Variants in ITGAE observed in about 807,000 individuals in gnomAD.
ITGAE encodes integrin subunit alpha E.
Under a neutral mutation model 136.5 loss-of-function variants are expected in ITGAE, and 99 were observed. The observed-to-expected ratio is 0.73, with a 90% confidence interval of 0.62 to 0.86. The LOEUF is 0.86. ITGAE is among the 40% of genes least tolerant of loss of function. The pLI, the probability that ITGAE is intolerant of heterozygous loss-of-function variation, is 0.00. For synonymous variants in ITGAE, 613 were observed against 591.8 expected (o/e 1.04, Z -0.52); for missense variants, 1,447 against 1,515.3 (o/e 0.95, Z 0.75).
chr17:3,718,724 G>T (rs2050987860), intron 29 of ITGAE, among the ~76,000 whole-genome samples: 1 of 152,184 alleles, frequency 6.6e-6, no homozygotes, highest in Admixed American at 6.5e-5. Context: ...TTTAAAATGT[G>T]CACATAAGAA....
intron 10 of ITGAE, among the ~76,000 whole-genome samples, chr17:3,756,343 G>A (rs1283182883): frequency 6.8e-6 from 1 of 147,598 alleles, no homozygotes; most frequent in Non-Finnish European, 1.5e-5. Flanking sequence ...AAGTGACCTG[G>A]TGCCTTAGCT....
At position 3,747,980 on chromosome 17, in the gene ITGAE, G is replaced by A. The variant is rs770597234; in HGVS notation, c.2097C>T (p.Gly699=). The change falls in exon 17 of 31, where the codon GGC becomes GGT. Residue 699 remains glycine, a synonymous_variant. Transcript: ENST00000263087. The stretch of plus-strand genomic sequence containing the variant: ...CAAAACATAAACGGACATTCACGAC[G>A]CCGTTGAAGCCGATGGGCAGTGCGC... ...TPSALPIGFN[G]VVNVRLCFEI... is the part of the protein sequence containing the mutation. 103 of 1,613,004 alleles carry A rather than the reference G, an allele frequency of 6.4e-5. No homozygotes were observed. Among genetic ancestry groups the A allele is most frequent in the Non-Finnish European group, 8.6e-5 (101 of 1,179,416 alleles).
intron 2 of ITGAE, among the ~76,000 whole-genome samples, chr17:3,765,457 A>G (rs1477725739): frequency 6.6e-6 from 1 of 151,920 alleles, no homozygotes; most frequent in Non-Finnish European, 1.5e-5. Flanking sequence ...CACTTCCTCA[A>G]CTCCTATCAC....
At position 3,755,859 on chromosome 17, in the gene ITGAE, T is replaced by C. The variant is rs1305752940; in HGVS notation, c.1210A>G (p.Ile404Val). The C allele has an allele frequency of 4.4e-6, 7 of 1,600,264 alleles. No individual in the cohort carries two copies. Among genetic ancestry groups the C allele is most frequent in the Non-Finnish European group, 6.0e-6 (7 of 1,173,792 alleles). ...TCCAGGATCTGAGCACTGAAGCCAA[T>C]CTGTGCCAGCTGGTAGTGAAGGGCG... is the stretch of plus-strand genomic sequence containing the variant. ...GDALHYQLAQ[I>V]GFSAQILDER... is the part of the protein sequence containing the mutation. Residue 404 changes from isoleucine to valine, a missense_variant, in exon 11 of 31, where the codon ATT becomes GTT. By Grantham distance (29) the Ile-to-Val change is conservative. Around this residue, in one of 3 missense-constraint regions of ITGAE, gnomAD observed 1,031 missense variants for 1,011.4 expected, o/e 1.02. Transcript: ENST00000263087.
chr17:3,794,832 C>T (rs1185245114), intron 1 of ITGAE, among the ~76,000 whole-genome samples: 2 of 152,126 alleles, frequency 1.3e-5, no homozygotes, highest in African/African-American at 2.4e-5. Flanking sequence ...GGGTGGGGGG[C>T]CTTCTTCCCC....
chr17:3,796,059 G>A (rs1231967242), intron 1 of ITGAE, among the ~76,000 whole-genome samples: 2 of 146,436 alleles, frequency 1.4e-5, no homozygotes, highest in Non-Finnish European at 3.0e-5. Context: ...ATCTGTGTGT[G>A]TGCATCCGTG....
Position 3,761,062 on chromosome 17 carries a change from C to T in ITGAE, c.549G>A (p.Glu183=), listed in dbSNP as rs779061774. The change falls in exon 6 of 31, where the codon GAG becomes GAA. Residue 183 remains glutamate (E), a synonymous_variant. Transcript: ENST00000263087. ...CCTCCTCCTCCTTGTCTTCCTCCTC[C>T]TCCTTCTCCAGAGCCCGGCGCTGCC... ...TARQRRALEK[E]EEEDKEEEED... is the part of the protein sequence containing the mutation. 21 of 1,609,718 alleles carry T rather than the reference C, an allele frequency of 1.3e-5. No homozygotes were observed. The highest frequency in any genetic ancestry group is 6.7e-5 in the Admixed American group (4 of 59,972).
At chr17:3,716,415 G>A (rs765435923) in intron 30 of ITGAE, among the ~76,000 whole-genome samples, 3 of 152,158 alleles carry the variant, frequency 2.0e-5, no homozygotes, top group Non-Finnish European at 4.4e-5. Flanking sequence ...ACAGGTAACC[G>A]AACATAACAG....
chr17:3,755,137 G>C lies in ITGAE; in HGVS notation c.1364C>G (p.Ala455Gly). 7.3e-7 allele frequency: 1 copy of C among 1,375,110 alleles called. No homozygotes were observed. Among genetic ancestry groups the C allele is most frequent in the Non-Finnish European group, 9.6e-7 (1 of 1,040,206 alleles). 85.2% of individuals were successfully genotyped at this position (1,375,110 alleles called of 1,614,324 possible). Residue 455 changes from alanine (A) to glycine (G), a missense_variant, in exon 12 of 31, where the codon GCT becomes GGT. Ala to Gly is a moderately conservative substitution (Grantham distance 60). Coordinates refer to ENST00000263087, the MANE Select transcript of ITGAE (RefSeq NM_002208.5). ...QTAAAAADAEAAQYSYLGYAV... is the reference protein window; with the variant it reads ...QTAAAAADAEGAQYSYLGYAV... ...CTCACCCAGGTAGCTGTACTGCGCA[G>C]CCTCCGCGTCTGCCGCCGCCGCCGC...
At chr17:3,789,053 C>T (rs1324324787) in intron 1 of ITGAE, among the ~76,000 whole-genome samples, 3 of 151,666 alleles carry the variant, frequency 2.0e-5, no homozygotes, top group Non-Finnish European at 4.4e-5. Flanking sequence ...CAAGACCAAC[C>T]TGGGCAATAC....
chr17:3,762,013 G>A lies in ITGAE; in HGVS notation c.248-31C>T, dbSNP rs755749396. 9 of 1,598,606 alleles carry A rather than the reference G, an allele frequency of 5.6e-6. No individual in the cohort carries two copies. In the Admixed American group the frequency reaches 6.7e-5, roughly 12 times the overall value. On this transcript the variant is annotated intron_variant, in intron 3 of 30. Transcript: ENST00000263087. Reference sequence around the variant, plus strand: ...AAAGTTAAGCCCAGGTGAGGAGGAGGAGGGGACTCTGGGAGGCAGAGACCC... The same window carrying A: ...AAAGTTAAGCCCAGGTGAGGAGGAGAAGGGGACTCTGGGAGGCAGAGACCC...
chr17:3,750,117 G>A (rs989910443), intron 16 of ITGAE, among the ~76,000 whole-genome samples: 2 of 152,218 alleles, frequency 1.3e-5, no homozygotes, highest in Non-Finnish European at 2.9e-5. Flanking sequence ...CATAGCTCTG[G>A]GAGGTAGGTG....
At position 3,750,511 on chromosome 17, in the gene ITGAE, G is replaced by T. The variant is rs2051838941; in HGVS notation, c.1894-29C>A. On this transcript the variant is annotated intron_variant, in intron 15 of 30. Transcript: ENST00000263087. ...TGGAGGCAGAAACACAAGGCGTGGG[G>T]CGAGGGAAGGGAGGGAAACGGGGCG... 4 of 1,613,396 alleles carry T rather than the reference G, an allele frequency of 2.5e-6. No individual in the cohort carries two copies. In the East Asian group the frequency reaches 8.9e-5, roughly 36 times the overall value.
chr17:3,716,546 G>A (rs2050946562), intron 30 of ITGAE, 142 bp downstream of exon 30: 1 of 646,752 alleles, frequency 1.5e-6, no homozygotes, highest in Admixed American at 2.7e-5. Context: ...TCTAAATGGG[G>A]GTGTGCAGTT....
chr17:3,796,020 C>T (rs1196110973), intron 1 of ITGAE, among the ~76,000 whole-genome samples: 3 of 84,938 alleles, frequency 3.5e-5, no homozygotes, highest in East Asian at 6.4e-4. Context: ...CATCCATGTG[C>T]GCGTGTGTGC....
At chr17:3,727,270 A>T (rs1597303894) in intron 26 of ITGAE, among the ~76,000 whole-genome samples, 1 of 152,346 alleles carries the variant, frequency 6.6e-6, no homozygotes. Context: ...GGGGAGAAGA[A>T]GGGAAGCTAG....
At chr17:3,751,376 G>A (rs1413088978) in intron 15 of ITGAE, among the ~76,000 whole-genome samples, 2 of 151,924 alleles carry the variant, frequency 1.3e-5, no homozygotes, top group Non-Finnish European at 2.9e-5. Flanking sequence ...GTATAGGCCA[G>A]GGAAGGAGAC....
intron 29 of ITGAE, chr17:3,718,055 G>A (rs1025468481): frequency 6.6e-6 from 1 of 152,224 alleles, no homozygotes; most frequent in African/African-American, 2.4e-5. Context: ...CCAAGTAGAG[G>A]TTAAGGGAGA....
intron 2 of ITGAE, among the ~76,000 whole-genome samples, chr17:3,767,074 G>T (rs946145705): frequency 6.6e-6 from 1 of 151,340 alleles, no homozygotes; most frequent in African/African-American, 2.4e-5. Flanking sequence ...CAACCCTGTT[G>T]GTTCTCTCTC....
Sources: allele counts gnomAD v4.1 joint callset (sites outside exome capture counted in the v4.1 genomes callset), GRCh38; gene constraint gnomAD v4.1.1; regional missense constraint gnomAD v4.1.1; transcripts MANE v1.5; gene names NCBI Gene and HGNC (gene_info 2026-07-23, HGNC 2026-07-21).